CUEDC1: variants seen among roughly 807,000 people sequenced by gnomAD.
CUEDC1 encodes the protein CUE domain containing 1, also known as CUE domain-containing protein 1.
In CUEDC1, 30 loss-of-function variants were observed where a neutral mutation model predicts 43.7. The observed-to-expected ratio is 0.69, with a 90% CI of 0.51 to 0.93. The LOEUF is 0.93. Ranked by LOEUF, CUEDC1 falls within the 40% of genes least tolerant of loss-of-function variation. CUEDC1 has a pLI of 0.00. For missense variants in CUEDC1, 486 were observed against 549.0 expected (o/e 0.89, Z 1.15); for synonymous variants, 223 against 223.6 (o/e 1.00, Z 0.02).
intron 1 of CUEDC1, chr17:57,903,263 T>A (rs971480888): frequency 6.6e-6 from 1 of 152,426 alleles, no homozygotes; most frequent in African/African-American, 2.4e-5. Context: ...CTTGCCAGGC[T>A]CCACTGCCAC....
chr17:57,916,650 C>T (rs1487478494), intron 1 of CUEDC1, among the ~76,000 whole-genome samples: 3 of 152,178 alleles, frequency 2.0e-5, no homozygotes, highest in African/African-American at 7.2e-5. Flanking sequence ...AGAAGCCACA[C>T]TGGGAGCCCT....
At chr17:57,863,911 G>A (rs2073917181) in intron 10 of CUEDC1, among the ~76,000 whole-genome samples, 1 of 147,370 alleles carries the variant, frequency 6.8e-6, no homozygotes, top group Non-Finnish European at 1.5e-5. Context: ...TGAGGCAGGA[G>A]AATGGCTTGA....
At chr17:57,908,816 T>C (rs1377073630) in intron 1 of CUEDC1, among the ~76,000 whole-genome samples, 1 of 152,074 alleles carries the variant, frequency 6.6e-6, no homozygotes, top group African/African-American at 2.4e-5. Context: ...GCTAACACAG[T>C]GAAACCCCGT....
At chr17:57,867,530 C>A in intron 8 of CUEDC1, 115 bp from the exon 9 acceptor site, 2 of 908,986 alleles carry the variant, frequency 2.2e-6, no homozygotes, top group Non-Finnish European at 3.5e-6. Context: ...CTGACACACC[C>A]ACCTGACCCC....
intron 1 of CUEDC1, among the ~76,000 whole-genome samples, chr17:57,945,921 A>G (rs1004194640): frequency 1.3e-4 from 20 of 152,210 alleles, no homozygotes; most frequent in Admixed American, 9.8e-4. Flanking sequence ...GCTACTCAGG[A>G]GGCTGAGACA....
intron 1 of CUEDC1, among the ~76,000 whole-genome samples, chr17:57,935,622 G>A (rs1014831789): frequency 3.9e-5 from 6 of 152,094 alleles, no homozygotes; most frequent in Non-Finnish European, 8.8e-5. Flanking sequence ...AAAAGCCCCA[G>A]CAGGCTGGAA....
chr17:57,939,156 G>A (rs951283230), intron 1 of CUEDC1, among the ~76,000 whole-genome samples: 3 of 151,506 alleles, frequency 2.0e-5, no homozygotes, highest in Non-Finnish European at 4.4e-5. Flanking sequence ...TAGTAGAGAC[G>A]GGCTTTCACC....
intron 1 of CUEDC1, among the ~76,000 whole-genome samples, chr17:57,950,664 G>A (rs548349135): frequency 6.6e-4 from 101 of 152,078 alleles, no homozygotes; most frequent in Non-Finnish European, 1.2e-3. Flanking sequence ...GTAGAGACAG[G>A]GTTTCACCAC....
intron 1 of CUEDC1, chr17:57,915,274 C>T (rs1335017445): frequency 7.7e-6 from 1 of 129,246 alleles, no homozygotes; most frequent in East Asian, 2.0e-4. Flanking sequence ...AAGATGCAAC[C>T]ACATCAAATG....
chr17:57,937,885 C>T (rs949053673), intron 1 of CUEDC1, among the ~76,000 whole-genome samples: 4 of 151,958 alleles, frequency 2.6e-5, no homozygotes, highest in South Asian at 2.1e-4. Flanking sequence ...CCAGCTGGGA[C>T]GACAGAGAGA....
intron 1 of CUEDC1, among the ~76,000 whole-genome samples, chr17:57,895,468 G>A (rs1310962083): frequency 6.6e-6 from 1 of 152,208 alleles, no homozygotes; most frequent in Non-Finnish European, 1.5e-5. Context: ...AGGAAGCAAA[G>A]GAGAAGACAA....
In CUEDC1 at chr17:57,903,227, A is replaced by G. The variant is rs569536974; in HGVS notation, c.-315-17348T>C. 3.3e-5 allele frequency: 5 copies of G among 152,628 alleles called. 1 individual carries two copies. The highest frequency in any genetic ancestry group is 9.6e-5 in the African/African-American group (4 of 41,580). The allele number at this position is 152,628 out of a possible 1,614,324, so 9.5% of individuals were successfully genotyped here. A position where few individuals can be genotyped will look rare whatever the true frequency, so the allele number is the denominator to read the frequency against. On this transcript the variant is annotated intron_variant, in intron 1 of 10. Transcript: ENST00000577830. Reference sequence around the variant, plus strand: ...GGCCCCACCTCATGCTTCCTCTGCCACAGCAGTCCCAGGCCAGGAGGGCAC... The same window carrying G: ...GGCCCCACCTCATGCTTCCTCTGCCGCAGCAGTCCCAGGCCAGGAGGGCAC...
chr17:57,875,999 C>T (rs2074118734), intron 3 of CUEDC1, among the ~76,000 whole-genome samples: 1 of 152,106 alleles, frequency 6.6e-6, no homozygotes, highest in Non-Finnish European at 1.5e-5. Flanking sequence ...CTCTCTGTGC[C>T]CTAGGAGGCC....
intron 1 of CUEDC1, among the ~76,000 whole-genome samples, chr17:57,902,463 G>T (rs553669557): frequency 3.0e-4 from 46 of 152,326 alleles, no homozygotes; most frequent in Non-Finnish European, 5.3e-4. Flanking sequence ...CCACAGCCCG[G>T]ACACGGGTTG....
intron 3 of CUEDC1, among the ~76,000 whole-genome samples, chr17:57,877,624 T>C (rs191339378): frequency 0.011 from 1,672 of 149,440 alleles, 19 homozygotes; most frequent in African/African-American, 0.032. Context: ...CGGTGGCTTA[T>C]ATCTGCAATC....
chr17:57,933,209 G>A lies in CUEDC1; in HGVS notation c.-316+22016C>T, dbSNP rs532472105. ...GACAGCCTCACGGGCAGCAAGGGGG[G>A]AGAACCACTGAACAGAGCTGCTCTG... On this transcript the variant is annotated intron_variant, in intron 1 of 10. Transcript: ENST00000577830. Among the ~76,000 whole-genome samples, 5 of 151,664 alleles carry A rather than the reference G, an allele frequency of 3.3e-5. No homozygotes were observed. The South Asian group carries it at 8.4e-4, about 25-fold the overall frequency.
At chr17:57,879,766 T>C (rs2074179460) in intron 2 of CUEDC1, 28 bp from the exon 3 acceptor site, 2 of 1,584,658 alleles carry the variant, frequency 1.3e-6, no homozygotes, top group African/African-American at 1.4e-5. Flanking sequence ...GAGAAAGAAA[T>C]ATTAATCATC....
At chr17:57,941,585 G>A (rs2074917607) in intron 1 of CUEDC1, among the ~76,000 whole-genome samples, 1 of 152,208 alleles carries the variant, frequency 6.6e-6, no homozygotes, top group Non-Finnish European at 1.5e-5. Context: ...GCAAAGGGAA[G>A]TTACTATACT....
At position 57,873,572 on chromosome 17, in the gene CUEDC1, C is replaced by CG; in HGVS notation, c.591+18dup. ...TGGACAAGCAGGTGGGAGTGGAAGG[C>CG]GGGGGCGGCCCCTGTTACCTGTATG... On this transcript the variant is annotated intron_variant, in intron 4 of 10. Transcript: ENST00000577830. 1 of 1,526,818 alleles carries CG rather than the reference C, an allele frequency of 6.5e-7. No homozygotes were observed. Among genetic ancestry groups the CG allele is most frequent in the East Asian group, 2.5e-5 (1 of 40,760 alleles). 94.6% of individuals were successfully genotyped at this position (1,526,818 alleles called of 1,614,324 possible).
Sources: allele counts gnomAD v4.1 joint callset (sites outside exome capture counted in the v4.1 genomes callset), GRCh38; gene constraint gnomAD v4.1.1; transcripts MANE v1.5; gene names NCBI Gene and HGNC (gene_info 2026-07-23, HGNC 2026-07-21).